Variants in NTM observed in about 807,000 individuals in gnomAD.
NTM encodes IgLON family member 2.
NTM carries 13 observed loss-of-function variants against 42.1 expected under a neutral mutation model. The observed-to-expected ratio is 0.31, with a 90% CI of 0.20 to 0.49. The LOEUF is 0.49. Ranked by LOEUF, NTM falls within the 20% of genes least tolerant of loss-of-function variation. NTM has a pLI of 0.99. For synonymous variants in NTM, 187 were observed against 179.2 expected, an observed-to-expected ratio of 1.04 and a Z score of -0.35; for missense variants, 373 against 452.8, an observed-to-expected ratio of 0.82 and a Z score of 1.60.
At chr11:131,607,890 T>G (rs1288690104) in intron 1 of NTM, among the ~76,000 whole-genome samples, 8 of 36,822 alleles carry the variant, frequency 2.2e-4, no homozygotes, top group Middle Eastern at 0.015. Flanking sequence ...GTTTTTTGTG[T>G]TTTTTTTTTG....
At chr11:132,044,130 A>G (rs369691555) in intron 2 of NTM, among the ~76,000 whole-genome samples, 97 of 63,184 alleles carry the variant, frequency 1.5e-3, no homozygotes, top group African/African-American at 3.9e-3. Context: ...GTGTGTATAT[A>G]TGTGTGTGTG....
intron 1 of NTM, among the ~76,000 whole-genome samples, chr11:131,651,673 T>C (rs924457688): frequency 2.0e-5 from 3 of 151,952 alleles, no homozygotes; most frequent in Non-Finnish European, 2.9e-5. Context: ...AACCCTGTTT[T>C]TTACTAAAAA....
At chr11:131,938,173 A>G (rs2059425357) in intron 2 of NTM, among the ~76,000 whole-genome samples, 1 of 152,220 alleles carries the variant, frequency 6.6e-6, no homozygotes, top group South Asian at 2.1e-4. Flanking sequence ...GATGATAAAC[A>G]TATAATTACA....
intron 1 of NTM, among the ~76,000 whole-genome samples, chr11:131,508,706 T>TA (rs1423513973): frequency 5.3e-5 from 8 of 150,628 alleles, no homozygotes; most frequent in Non-Finnish European, 8.8e-5. Flanking sequence ...TATGCAGCCA[T>TA]AAAAAAAGAT....
chr11:132,234,121 A>C (rs576675198), intron 4 of NTM, among the ~76,000 whole-genome samples: 70 of 152,278 alleles, frequency 4.6e-4, no homozygotes, highest in Admixed American at 1.9e-3. Flanking sequence ...AGTCATTCTT[A>C]ACTGGGGTTA....
chr11:132,324,660 T>C (rs1314080344), intron 7 of NTM, among the ~76,000 whole-genome samples: 2 of 4,194 alleles, frequency 4.8e-4, no homozygotes, highest in Non-Finnish European at 8.5e-4. Context: ...TTCACAGAAT[T>C]GGAAAAAAAA....
intron 1 of NTM, 28 bp downstream of exon 1, chr11:131,370,916 G>A (rs373117733): frequency 3.1e-6 from 5 of 1,612,514 alleles, no homozygotes; most frequent in East Asian, 2.2e-5. Flanking sequence ...ATTTGCCTTC[G>A]GTAGACCCAG....
At position 132,269,344 on chromosome 11, in the gene NTM, A is replaced by G. The variant is rs538384145; in HGVS notation, c.527-38345A>G. ...AAGTCTTCCTTTTGTGCTTCAATGGAAACAGAATGACTCAAGCTCCAACCA... is the reference window on the plus strand; with the variant it reads ...AAGTCTTCCTTTTGTGCTTCAATGGGAACAGAATGACTCAAGCTCCAACCA... On this transcript the variant is annotated intron_variant, in intron 4 of 8. Coordinates refer to ENST00000683400, the MANE Select transcript of NTM (RefSeq NM_001352005.2). 1.6e-4 allele frequency among the ~76,000 whole-genome samples: 25 copies of G among 152,276 alleles called. No homozygotes were observed. The East Asian group carries it at 4.8e-3, about 29-fold the overall frequency.
At chr11:132,070,000 C>T (rs71485731) in intron 2 of NTM, among the ~76,000 whole-genome samples, 2 of 134,438 alleles carry the variant, frequency 1.5e-5, no homozygotes, top group South Asian at 2.3e-4. Context: ...TTAGTTAACA[C>T]GTCACACAGC....
At chr11:131,913,117 A>G (rs951412966) in intron 2 of NTM, among the ~76,000 whole-genome samples, 1 of 152,218 alleles carries the variant, frequency 6.6e-6, no homozygotes, top group Non-Finnish European at 1.5e-5. Flanking sequence ...TGCTTTAAAA[A>G]TGGATTTCAG....
At chr11:131,986,774 C>T (rs1034792350) in intron 2 of NTM, among the ~76,000 whole-genome samples, 2 of 152,104 alleles carry the variant, frequency 1.3e-5, no homozygotes, top group African/African-American at 4.8e-5. Context: ...ATTGCCACTG[C>T]CTAGAAGAGT....
intron 1 of NTM, among the ~76,000 whole-genome samples, chr11:131,620,232 T>C (rs1226666791): frequency 1.3e-5 from 2 of 152,224 alleles, no homozygotes; most frequent in Admixed American, 1.3e-4. Context: ...ACATTTTCCC[T>C]GATTTCTAAG....
At chr11:132,229,786 A>G (rs1399945789) in intron 4 of NTM, among the ~76,000 whole-genome samples, 1 of 152,196 alleles carries the variant, frequency 6.6e-6, no homozygotes, top group African/African-American at 2.4e-5. Context: ...ACCATCTAAG[A>G]TAAATGGGTA....
chr11:132,018,062 A>G (rs544126458), intron 2 of NTM, among the ~76,000 whole-genome samples: 3 of 152,028 alleles, frequency 2.0e-5, no homozygotes, highest in East Asian at 3.9e-4. Context: ...TCACCTGAGA[A>G]TAAGGACAAT....
chr11:132,306,830 T>C (rs1482235698), intron 4 of NTM, among the ~76,000 whole-genome samples: 2 of 152,228 alleles, frequency 1.3e-5, no homozygotes, highest in Non-Finnish European at 2.9e-5. Flanking sequence ...CAGGTGCCTC[T>C]GGGAGAGAAC....
At chr11:131,789,478 GAAGAAGAAGAAGAGGAAA>G (rs1565550493) in intron 1 of NTM, among the ~76,000 whole-genome samples, 8 of 10,930 alleles carry the variant, frequency 7.3e-4, no homozygotes, top group South Asian at 3.9e-3. Context: ...AGAAGAAGAA[GAAGAAGAAGAAGAGGAAA>G]GAAGAAGAAG....
chr11:131,674,685 A>G (rs2071050232), intron 1 of NTM, among the ~76,000 whole-genome samples: 1 of 152,182 alleles, frequency 6.6e-6, no homozygotes, highest in Admixed American at 6.5e-5. Context: ...TCCCATTTGC[A>G]GTTACAAGAA....
At chr11:131,518,433 C>G (rs938504318) in intron 1 of NTM, among the ~76,000 whole-genome samples, 2 of 152,108 alleles carry the variant, frequency 1.3e-5, no homozygotes, top group African/African-American at 4.8e-5. Flanking sequence ...GAATTCAGTA[C>G]ACATTTTCCC....
chr11:132,037,126 G>A (rs1351821192), intron 2 of NTM, among the ~76,000 whole-genome samples: 1 of 152,124 alleles, frequency 6.6e-6, no homozygotes, highest in Non-Finnish European at 1.5e-5. Context: ...AATAGAAGGT[G>A]TTTGGACCAC....
Sources: gnomAD v4.1 joint callset for allele counts (sites outside exome capture counted in the v4.1 genomes callset) on GRCh38, gnomAD v4.1.1 for gene constraint, MANE v1.5 for transcripts, NCBI Gene and HGNC (gene_info 2026-07-23, HGNC 2026-07-21) for gene names.